The following CDH18 variants were observed in gnomAD, a reference collection of about 807,000 sequenced individuals.
CDH18 encodes cadherin-18.
A neutral mutation model predicts 67.9 loss-of-function variants in CDH18; 31 were observed. The ratio of observed to expected loss-of-function variants is 0.46; its 90% CI spans 0.34 to 0.62. The LOEUF (loss-of-function observed/expected upper bound fraction) is 0.62. Ranked by LOEUF, CDH18 falls within the 20% of genes least tolerant of loss-of-function variation. CDH18 has a pLI of 0.01. For synonymous variants in CDH18, 362 were observed against 347.2 expected (o/e 1.04, Z -0.48); for missense variants, 890 against 975.5 (o/e 0.91, Z 1.17).
chr5:19,479,256 A>G (rs1738996825), intron 12 of CDH18, among the ~76,000 whole-genome samples: 2 of 152,172 alleles, frequency 1.3e-5, no homozygotes, highest in Admixed American at 6.6e-5. Flanking sequence ...CAAGAAGCTG[A>G]GAGGGAAAAT....
intron 7 of CDH18, among the ~76,000 whole-genome samples, chr5:19,582,979 A>G (rs1390892454): frequency 1.3e-5 from 2 of 151,962 alleles, no homozygotes; most frequent in African/African-American, 2.4e-5. Flanking sequence ...CTTATAATTT[A>G]CTTAAACTTT....
chr5:20,501,599 T>TCC (rs1427907190), intron 1 of CDH18, among the ~76,000 whole-genome samples: 15 of 66,860 alleles, frequency 2.2e-4, no homozygotes, highest in Non-Finnish European at 4.2e-4. Context: ...ATATATTATA[T>TCC]ATATATATAT....
intron 10 of CDH18, among the ~76,000 whole-genome samples, chr5:19,515,190 G>A (rs188332990): frequency 2.0e-5 from 3 of 152,120 alleles, no homozygotes; most frequent in Non-Finnish European, 4.4e-5. Context: ...GCTCTGTTCT[G>A]TTCCATTGGT....
chr5:19,897,021 G>A (rs1231795102), intron 2 of CDH18, among the ~76,000 whole-genome samples: 1 of 152,074 alleles, frequency 6.6e-6, no homozygotes, highest in Non-Finnish European at 1.5e-5. Context: ...TGACTTTAGT[G>A]TTTGCAAAGA....
intron 1 of CDH18, among the ~76,000 whole-genome samples, chr5:20,314,723 A>G (rs978580623): frequency 2.0e-5 from 3 of 152,134 alleles, no homozygotes; most frequent in African/African-American, 7.2e-5. Context: ...TATACACATC[A>G]TAAATTCTTT....
At chr5:19,500,365 T>TA (rs1446822516) in intron 11 of CDH18, among the ~76,000 whole-genome samples, 2 of 152,156 alleles carry the variant, frequency 1.3e-5, no homozygotes, top group Admixed American at 6.6e-5. Flanking sequence ...TATATTTATA[T>TA]ATGGTATTAT....
intron 2 of CDH18, among the ~76,000 whole-genome samples, chr5:20,205,196 T>C (rs1427610547): frequency 6.6e-6 from 1 of 151,914 alleles, no homozygotes; most frequent in Non-Finnish European, 1.5e-5. Context: ...AAACCGATAT[T>C]ACATGCAGCT....
intron 2 of CDH18, among the ~76,000 whole-genome samples, chr5:19,850,273 G>T (rs1374945834): frequency 1.3e-5 from 2 of 151,582 alleles, no homozygotes; most frequent in East Asian, 3.9e-4. Flanking sequence ...GGCACTTTTT[G>T]TCCCATTCGT....
chr5:19,548,640 CT>C (rs1248777975), intron 8 of CDH18, among the ~76,000 whole-genome samples: 1 of 151,744 alleles, frequency 6.6e-6, no homozygotes, highest in Non-Finnish European at 1.5e-5. Flanking sequence ...TACTAGCTCC[CT>C]TTTGCAAATG....
chr5:19,572,327 T>G (rs1741575445), intron 7 of CDH18, among the ~76,000 whole-genome samples: 1 of 152,340 alleles, frequency 6.6e-6, no homozygotes, highest in Middle Eastern at 3.4e-3. Flanking sequence ...CTGATGCTGG[T>G]CTTCCTGTTA....
At position 19,889,099 on chromosome 5, in the gene CDH18, T is replaced by A. The variant is rs552526344; in HGVS notation, c.-256-49857A>T. Among the ~76,000 whole-genome samples, 278 of 152,170 alleles carry A rather than the reference T, an allele frequency of 1.8e-3. 1 individual carries two copies. Among genetic ancestry groups the A allele is most frequent in the African/African-American group, 6.4e-3 (266 of 41,512 alleles). On this transcript the variant is annotated intron_variant, in intron 2 of 12. Transcript: ENST00000382275. ...CTAATAAATGTAAATACTATGTAAATGGTTGTTGTATTGTATTTTTTTAGG... is the reference window on the plus strand; with the variant it reads ...CTAATAAATGTAAATACTATGTAAAAGGTTGTTGTATTGTATTTTTTTAGG...
chr5:19,998,712 A>G (rs1488642952), intron 2 of CDH18, among the ~76,000 whole-genome samples: 3 of 152,172 alleles, frequency 2.0e-5, no homozygotes, highest in South Asian at 2.1e-4. Flanking sequence ...TTTCAAGTGG[A>G]AAATAAGCAG....
chr5:19,586,013 C>A (rs994970418), intron 7 of CDH18, among the ~76,000 whole-genome samples: 1 of 151,830 alleles, frequency 6.6e-6, no homozygotes, highest in Non-Finnish European at 1.5e-5. Context: ...AGCTATAAAG[C>A]GGGGATAATA....
Position 19,988,193 on chromosome 5 carries a change from C to T in CDH18, c.-483G>A, listed in dbSNP as rs556153819. The T allele has an allele frequency of 2.0e-5, 3 of 152,232 alleles. No individual in the cohort carries two copies. In the East Asian group the frequency reaches 5.9e-4, roughly 30 times the overall value. 9.4% of individuals were successfully genotyped at this position (152,232 alleles called of 1,614,324 possible). A position where few individuals can be genotyped will look rare whatever the true frequency, so the allele number is the denominator to read the frequency against. Reference sequence around the variant, plus strand: ...CAGCTGCTCGCCGTCCTCGGAAAGCCCAGACTCAGGCTCCGCGCACCTCGA... The same window carrying T: ...CAGCTGCTCGCCGTCCTCGGAAAGCTCAGACTCAGGCTCCGCGCACCTCGA... On this transcript the variant is annotated 5_prime_UTR_variant, in exon 1 of 13. Transcript: ENST00000382275.
At chr5:20,233,887 G>A (rs760845973) in intron 2 of CDH18, among the ~76,000 whole-genome samples, 41 of 152,110 alleles carry the variant, frequency 2.7e-4, no homozygotes, top group Non-Finnish European at 3.8e-4. Context: ...TCACCTTCTT[G>A]AATCAGATCT....
intron 10 of CDH18, among the ~76,000 whole-genome samples, chr5:19,506,327 T>C (rs959095682): frequency 2.6e-5 from 4 of 152,132 alleles, no homozygotes; most frequent in African/African-American, 7.2e-5. Flanking sequence ...AAAATGGCCA[T>C]ACTGCCCAAG....
At chr5:19,575,029 A>G (rs1192106831) in intron 7 of CDH18, among the ~76,000 whole-genome samples, 2 of 152,186 alleles carry the variant, frequency 1.3e-5, no homozygotes, top group Admixed American at 6.5e-5. Context: ...ACAGAGTCAG[A>G]CAAAAAACAA....
At chr5:20,565,487 T>C (rs763567486) in intron 1 of CDH18, among the ~76,000 whole-genome samples, 11 of 152,150 alleles carry the variant, frequency 7.2e-5, no homozygotes, top group African/African-American at 2.4e-4. Flanking sequence ...TCCATCTTCA[T>C]TGATATCAGG....
intron 1 of CDH18, among the ~76,000 whole-genome samples, chr5:20,465,394 T>C (rs934532143): frequency 4.6e-5 from 7 of 152,062 alleles, no homozygotes; most frequent in African/African-American, 4.8e-5. Context: ...TTTCTTTTCC[T>C]TCCAGAAGAC....
Sources: allele counts gnomAD v4.1 joint callset (sites outside exome capture counted in the v4.1 genomes callset), GRCh38; gene constraint gnomAD v4.1.1; transcripts MANE v1.5; gene names NCBI Gene and HGNC (gene_info 2026-07-23, HGNC 2026-07-21).